The following TMEM255A variants were observed in gnomAD, a reference collection of about 807,000 sequenced individuals.
TMEM255A encodes the protein transmembrane protein 255A, also known as family with sequence similarity 70, member A.
In TMEM255A, 14 loss-of-function variants were observed where a neutral mutation model predicts 23.5. The observed-to-expected ratio is 0.60, with a 90% confidence interval of 0.39 to 0.93. The LOEUF (loss-of-function observed/expected upper bound fraction) is 0.93. Ranked by LOEUF, TMEM255A falls within the 40% of genes least tolerant of loss-of-function variation. The probability of loss-of-function intolerance (pLI) is 0.00; values close to 1 mark genes in which losing one functional copy is unlikely to be tolerated. For synonymous variants in TMEM255A, 104 were observed against 100.3 expected (o/e 1.04, Z -0.22); for missense variants, 233 against 261.7 (o/e 0.89, Z 0.76).
intron 1 of TMEM255A, 145 bp downstream of exon 1, chrX:120,311,107 C>T (rs2058098350): frequency 3.6e-6 from 2 of 548,157 alleles, no homozygotes; most frequent in African/African-American, 4.6e-5. Context: ...TGGTCCACCA[C>T]CCAGACGCTG....
intron 1 of TMEM255A, among the ~76,000 whole-genome samples, chrX:120,305,494 G>A (rs970031097): frequency 2.5e-4 from 28 of 110,523 alleles, no homozygotes; most frequent in Middle Eastern, 4.6e-3. Flanking sequence ...AGCATGAGGA[G>A]GATGAAGCAG....
rs373462338 is a variant in TMEM255A, at chrX:120,276,912, G to A, written c.648C>T (p.Ala216=). ...TGTCCTTAAAGCCTCCAAGGACAGC[G>A]GCAGTGATGATGCCCAGGAACAGGC... ...IVGLFLGIIT[A]AVLGGFKDMN... is the part of the protein sequence containing the mutation. Residue 216 remains alanine, a synonymous_variant, in exon 7 of 9, where the codon GCC becomes GCT. Transcript: ENST00000371369. 5.5e-5 allele frequency: 67 copies of A among 1,209,866 alleles called. No individual in the cohort carries two copies. The highest frequency in any genetic ancestry group is 8.7e-5 in the Admixed American group (4 of 45,826).
At chrX:120,273,346 T>C (rs1410142632) in intron 7 of TMEM255A, 1 of 340,522 alleles carries the variant, frequency 2.9e-6, no homozygotes, top group African/African-American at 2.6e-5. Context: ...AAATTGGTGA[T>C]GTTTTCATTA....
At chrX:120,291,046 C>T (rs1167722731) in intron 4 of TMEM255A, among the ~76,000 whole-genome samples, 1 of 111,429 alleles carries the variant, frequency 9.0e-6, no homozygotes, top group African/African-American at 3.3e-5. Context: ...AGTTTGTTCC[C>T]CCAGCTTAGA....
downstream of TMEM255A, chrX:120,255,304 C>T: frequency 1.7e-6 from 2 of 1,211,689 alleles, no homozygotes; most frequent in South Asian, 1.8e-5. Flanking sequence ...GTAGGGACCA[C>T]TACATCTACT....
downstream of TMEM255A, chrX:120,255,625 C>T: frequency 2.4e-6 from 1 of 422,771 alleles, no homozygotes; most frequent in Non-Finnish European, 4.2e-6. Flanking sequence ...GTGAGACCCC[C>T]TCCCCAAGTA....
At chrX:120,274,412 A>T (rs6646645) in intron 7 of TMEM255A, among the ~76,000 whole-genome samples, 38,397 of 110,768 alleles carry the variant, frequency 0.35, 4,964 homozygotes, top group East Asian at 0.58. Context: ...TATGTTTGTG[A>T]CTTCCACCTC....
intron 8 of TMEM255A, among the ~76,000 whole-genome samples, chrX:120,264,806 C>G (rs1556017241): frequency 9.2e-6 from 1 of 109,279 alleles, no homozygotes; most frequent in Non-Finnish European, 1.9e-5. Flanking sequence ...ATTGTCAGAT[C>G]TGGAGTGCAT....
At position 120,259,217 on chromosome X, in the gene TMEM255A, CTT is replaced by C. The variant is rs1391298198; in HGVS notation, c.*1651_*1652del. 9 of 112,736 alleles carry C rather than the reference CTT, an allele frequency of 8.0e-5. No individual in the cohort carries two copies. The highest frequency in any genetic ancestry group is 2.8e-4 in the East Asian group (1 of 3,619). The allele number at this position is 112,736 out of a possible 1,213,427, so 9.3% of individuals were successfully genotyped here. ...TAGTTAGTCAGTTGGGTATTAGTCT[CTT>C]TTTGAAATCCAGTAGAATTTTAATA... On this transcript the variant is annotated 3_prime_UTR_variant, in exon 9 of 9. Coordinates refer to ENST00000371369, the MANE Select transcript of TMEM255A (RefSeq NM_001104544.3).
rs1288736023 is a variant in TMEM255A, at chrX:120,268,349, A to G, written c.714T>C (p.Asn238=). The change falls in exon 8 of 9, where the codon AAT becomes AAC. Residue 238 remains asparagine (N), a synonymous_variant. Transcript: ENST00000371369. Reference sequence around the variant, plus strand: ...CATAGTAAGAAACTGTTGGATGGGTATTTTCAACAGAACAGTTCAGTGCTG... The same window carrying G: ...CATAGTAAGAAACTGTTGGATGGGTGTTTTCAACAGAACAGTTCAGTGCTG... ...TLPALNCSVE[N]THPTVSYYAH... is the part of the protein sequence containing the mutation. 1.7e-6 allele frequency: 2 copies of G among 1,208,782 alleles called. No individual in the cohort carries two copies. Among genetic ancestry groups the G allele is most frequent in the Non-Finnish European group, 2.2e-6 (2 of 894,667 alleles).
intron 1 of TMEM255A, among the ~76,000 whole-genome samples, chrX:120,308,942 C>T (rs986855256): frequency 1.8e-5 from 2 of 112,807 alleles, no homozygotes; most frequent in Non-Finnish European, 1.9e-5. Flanking sequence ...GTTTTGGTTG[C>T]GGTTGTGTCT....
At chrX:120,302,841 C>A (rs1461036093) in intron 2 of TMEM255A, among the ~76,000 whole-genome samples, 2 of 111,079 alleles carry the variant, frequency 1.8e-5, no homozygotes, top group Non-Finnish European at 3.8e-5. Context: ...ACTTATAGCT[C>A]TGGCTTGTCC....
Position 120,260,621 on chromosome X carries a change from C to G in TMEM255A, c.*249G>C. 3.0e-6 allele frequency: 1 copy of G among 335,381 alleles called. No homozygotes were observed. 27.6% of individuals were successfully genotyped at this position (335,381 alleles called of 1,213,427 possible). A position where few individuals can be genotyped will look rare whatever the true frequency, so the allele number is the denominator to read the frequency against. ...ATAGGGTAATGCAAGTCCAAACAAG[C>G]TTCTTGCTGGGCTGGCTCCCCAGTC... On this transcript the variant is annotated 3_prime_UTR_variant, in exon 9 of 9. Transcript: ENST00000371369.
intron 8 of TMEM255A, 83 bp downstream of exon 8, chrX:120,268,161 C>G: frequency 9.7e-7 from 1 of 1,026,977 alleles, no homozygotes; most frequent in Non-Finnish European, 1.3e-6. Flanking sequence ...TGGAAAGGTT[C>G]CATAATTGAA....
chrX:120,262,115 C>T (rs782405635), intron 8 of TMEM255A, among the ~76,000 whole-genome samples: 3 of 110,917 alleles, frequency 2.7e-5, no homozygotes, highest in Non-Finnish European at 5.7e-5. Context: ...CATGGCGAAA[C>T]CCCATCTCTA....
At chrX:120,280,959 A>G (rs1167778550) in intron 6 of TMEM255A, among the ~76,000 whole-genome samples, 1 of 112,461 alleles carries the variant, frequency 8.9e-6, no homozygotes, top group Non-Finnish European at 1.9e-5. Flanking sequence ...CCCATTCATT[A>G]GCTTTTTCCT....
In TMEM255A at chrX:120,296,679, AT is replaced by A. The variant is rs1490232845; in HGVS notation, c.202-2629del. Among the ~76,000 whole-genome samples, 10 of 62,600 alleles carry A rather than the reference AT, an allele frequency of 1.6e-4. No homozygotes were observed. The East Asian group carries it at 4.5e-3, about 28-fold the overall frequency. The allele number at this position is 62,600 out of a possible 115,157, so 54.4% of individuals were successfully genotyped here. On this transcript the variant is annotated intron_variant, in intron 2 of 8. Transcript: ENST00000371369. Reference sequence around the variant, plus strand: ...TATATTATAATATAATATATATTATATTTAATATATATATTAAATATATTTA... The same window carrying A: ...TATATTATAATATAATATATATTATATTAATATATATATTAAATATATTTA...
intron 2 of TMEM255A, among the ~76,000 whole-genome samples, chrX:120,302,904 C>CCTCTCTCT (rs57553153): frequency 1.9e-5 from 2 of 107,857 alleles, no homozygotes; most frequent in African/African-American, 6.7e-5. Flanking sequence ...CCAATCCCCA[C>CCTCTCTCT]CTCTCTCTCT....
chrX:120,272,132 G>A (rs2057765409), intron 7 of TMEM255A, among the ~76,000 whole-genome samples: 1 of 111,818 alleles, frequency 8.9e-6, no homozygotes, highest in Admixed American at 9.4e-5. Flanking sequence ...AGCTCAGTGT[G>A]GGGCCCAAGA....
Sources: gnomAD v4.1 joint callset for allele counts (sites outside exome capture counted in the v4.1 genomes callset) on GRCh38, gnomAD v4.1.1 for gene constraint, MANE v1.5 for transcripts, NCBI Gene and HGNC (gene_info 2026-07-23, HGNC 2026-07-21) for gene names.